The following BAIAP2L1 variants were observed in gnomAD, a reference collection of about 807,000 sequenced individuals.
The protein encoded by BAIAP2L1 is BAR/IMD domain-containing adapter protein 2-like 1.
A neutral mutation model predicts 66.3 loss-of-function variants in BAIAP2L1; 35 were observed. That is an observed-to-expected ratio of 0.53 (90% CI 0.40 to 0.70). The LOEUF is 0.70. BAIAP2L1 is among the 30% of genes least tolerant of loss of function. BAIAP2L1 has a pLI of 0.00. For synonymous variants in BAIAP2L1, 269 were observed against 248.7 expected (o/e 1.08, Z -0.77); for missense variants, 622 against 656.9 (o/e 0.95, Z 0.58).
At chr7:98,377,819 CAAAAAAAAAAAAA>C (rs55633908) in intron 1 of BAIAP2L1, among the ~76,000 whole-genome samples, 3 of 40,784 alleles carry the variant, frequency 7.4e-5, no homozygotes, top group South Asian at 1.7e-3. Context: ...GACTCAATCT[CAAAAAAAAAAAAA>C]AAAAAAAAAA....
intron 3 of BAIAP2L1, among the ~76,000 whole-genome samples, chr7:98,339,993 G>T (rs776543307): frequency 1.3e-5 from 2 of 152,140 alleles, no homozygotes; most frequent in Non-Finnish European, 2.9e-5. Flanking sequence ...GGCTGACAGC[G>T]TGAGGACAGG....
At chr7:98,316,399 T>C (rs762585760) in intron 6 of BAIAP2L1, among the ~76,000 whole-genome samples, 2 of 152,194 alleles carry the variant, frequency 1.3e-5, no homozygotes, top group Non-Finnish European at 2.9e-5. Context: ...ACACTGATCA[T>C]GGAGAGTCCC....
At chr7:98,331,141 A>G (rs1801485928) in intron 3 of BAIAP2L1, among the ~76,000 whole-genome samples, 1 of 152,226 alleles carries the variant, frequency 6.6e-6, no homozygotes, top group Non-Finnish European at 1.5e-5. Context: ...CCAAGGGAAG[A>G]ATGAATGAGC....
intron 3 of BAIAP2L1, among the ~76,000 whole-genome samples, chr7:98,329,753 C>T (rs773677761): frequency 6.6e-6 from 1 of 151,914 alleles, no homozygotes; most frequent in Non-Finnish European, 1.5e-5. Flanking sequence ...AAAGGCATCC[C>T]AGGAACTCTG....
At chr7:98,366,762 C>A (rs1453922836) in intron 1 of BAIAP2L1, among the ~76,000 whole-genome samples, 2 of 152,228 alleles carry the variant, frequency 1.3e-5, no homozygotes, top group Non-Finnish European at 2.9e-5. Flanking sequence ...GGCCAGGAAG[C>A]CCCAGAGCCA....
intron 1 of BAIAP2L1, among the ~76,000 whole-genome samples, chr7:98,396,837 G>A (rs1027288149): frequency 2.6e-5 from 4 of 152,264 alleles, no homozygotes; most frequent in African/African-American, 9.6e-5. Context: ...ACATTCACCT[G>A]GATGGCTGAT....
intron 3 of BAIAP2L1, among the ~76,000 whole-genome samples, chr7:98,346,403 T>C (rs1430507446): frequency 1.3e-5 from 2 of 152,230 alleles, no homozygotes; most frequent in Non-Finnish European, 2.9e-5. Flanking sequence ...ACCATTTTCA[T>C]GGATTAGAAA....
chr7:98,340,284 ATATTTATTTCTT>A (rs1801710100), intron 3 of BAIAP2L1, among the ~76,000 whole-genome samples: 3 of 151,966 alleles, frequency 2.0e-5, no homozygotes, highest in Admixed American at 6.6e-5. Flanking sequence ...TACATAAGTA[ATATTTATTTCTT>A]TATTTTTTTG....
chr7:98,331,921 A>C (rs2115588464), intron 3 of BAIAP2L1, among the ~76,000 whole-genome samples: 1 of 152,336 alleles, frequency 6.6e-6, no homozygotes, highest in East Asian at 1.9e-4. Flanking sequence ...ACCAACATAG[A>C]ATTCTTCAGT....
chr7:98,362,579 G>A, intron 1 of BAIAP2L1, 147 bp from the exon 2 acceptor site: 1 of 666,216 alleles, frequency 1.5e-6, no homozygotes, highest in Admixed American at 3.1e-5. Context: ...AAATAATGAA[G>A]CACACCTATT....
At chr7:98,398,718 T>C (rs1263640477) in intron 1 of BAIAP2L1, among the ~76,000 whole-genome samples, 1 of 152,190 alleles carries the variant, frequency 6.6e-6, no homozygotes. Flanking sequence ...GGTTGGCATT[T>C]GTGACGCTGC....
At chr7:98,397,001 G>A (rs946388583) in intron 1 of BAIAP2L1, among the ~76,000 whole-genome samples, 4 of 152,106 alleles carry the variant, frequency 2.6e-5, no homozygotes, top group African/African-American at 4.8e-5. Flanking sequence ...TTAAGTGCTT[G>A]GAATACAAAA....
intron 8 of BAIAP2L1, among the ~76,000 whole-genome samples, chr7:98,311,154 G>T (rs1037513952): frequency 1.3e-5 from 2 of 152,132 alleles, no homozygotes; most frequent in South Asian, 4.1e-4. Flanking sequence ...AGTGCCTTAC[G>T]TTGTGATGAA....
At chr7:98,360,968 C>G (rs932084774) in intron 2 of BAIAP2L1, among the ~76,000 whole-genome samples, 1 of 152,184 alleles carries the variant, frequency 6.6e-6, no homozygotes, top group African/African-American at 2.4e-5. Flanking sequence ...ACAGTCTAGC[C>G]AGCTCACACC....
In BAIAP2L1 at chr7:98,390,891, C is replaced by T. The variant is rs183853680; in HGVS notation, c.51+9911G>A. ...CTCGCTCTGTTGCCAGGCTAGAGTG[C>T]GGTGGCGTGATTTCAGCTCACTGCT... On this transcript the variant is annotated intron_variant, in intron 1 of 13. Transcript: ENST00000005260. 1.3e-3 allele frequency among the ~76,000 whole-genome samples: 204 copies of T among 151,822 alleles called. 1 individual carries two copies. Among genetic ancestry groups the T allele is most frequent in the African/African-American group, 3.5e-3 (145 of 41,430 alleles).
intron 3 of BAIAP2L1, among the ~76,000 whole-genome samples, chr7:98,322,219 T>C (rs1801269508): frequency 6.6e-6 from 1 of 152,134 alleles, no homozygotes; most frequent in Non-Finnish European, 1.5e-5. Flanking sequence ...GCCTCGGCTA[T>C]GATCACCATA....
At position 98,391,000 on chromosome 7, in the gene BAIAP2L1, A is replaced by ATT. The variant is rs10538495; in HGVS notation, c.51+9800_51+9801dup. 5.5e-4 allele frequency among the ~76,000 whole-genome samples: 80 copies of ATT among 144,310 alleles called. 1 individual carries two copies. The highest frequency in any genetic ancestry group is 4.1e-3 in the East Asian group (19 of 4,650). 94.7% of individuals were successfully genotyped at this position (144,310 alleles called of 152,430 possible). On this transcript the variant is annotated intron_variant, in intron 1 of 13. Transcript: ENST00000005260. ...AGGCGCACTCCACCACACCCAGCTAATTTTTTTTTTTTTTTGTATTTTTAG... is the reference window on the plus strand; with the variant it reads ...AGGCGCACTCCACCACACCCAGCTAATTTTTTTTTTTTTTTTTGTATTTTTAG...
intron 8 of BAIAP2L1, 74 bp downstream of exon 8, chr7:98,312,008 CCTGTGATTCCCACCA>C (rs1800890942): frequency 2.3e-6 from 3 of 1,330,644 alleles, no homozygotes; most frequent in African/African-American, 1.5e-5. Context: ...TAAAGGGGGA[CCTGTGATTCCCACCA>C]ACACAGGCAA....
At chr7:98,395,737 T>C (rs889891554) in intron 1 of BAIAP2L1, among the ~76,000 whole-genome samples, 1 of 152,132 alleles carries the variant, frequency 6.6e-6, no homozygotes, top group African/African-American at 2.4e-5. Context: ...AGCTGGAATA[T>C]TGAGTTGGAA....
Sources: allele counts gnomAD v4.1 joint callset (sites outside exome capture counted in the v4.1 genomes callset), GRCh38; gene constraint gnomAD v4.1.1; transcripts MANE v1.5; gene names NCBI Gene and HGNC (gene_info 2026-07-23, HGNC 2026-07-21).